SYCP3: variants seen among roughly 807,000 people sequenced by gnomAD.
SYCP3 encodes the protein synaptonemal complex protein 3.
A neutral mutation model predicts 38.5 loss-of-function variants in SYCP3; 29 were observed. That is an observed-to-expected ratio of 0.75 (90% confidence interval 0.56 to 1.03). The LOEUF is 1.03. Ranked by LOEUF, SYCP3 falls within the 50% of genes least tolerant of loss-of-function variation. The pLI is 0.00. For missense variants in SYCP3, 242 were observed against 270.7 expected, an observed-to-expected ratio of 0.89 and a Z score of 0.74; for synonymous variants, 79 against 80.3, an observed-to-expected ratio of 0.98 and a Z score of 0.08.
chr12:101,738,775 C>T (rs941532106), intron 1 of SYCP3, among the ~76,000 whole-genome samples: 1 of 152,186 alleles, frequency 6.6e-6, no homozygotes, highest in Non-Finnish European at 1.5e-5. Context: ...GTGTCCACCC[C>T]GACTCCAAGC....
In SYCP3 at chr12:101,737,222, A is replaced by G. The variant is rs555022052; in HGVS notation, c.200+10T>C. 1.9e-6 allele frequency: 3 copies of G among 1,613,344 alleles called. No individual in the cohort carries two copies. The Admixed American group carries it at 5.0e-5, about 27-fold the overall frequency. On this transcript the variant is annotated intron_variant, in intron 3 of 8. Coordinates refer to ENST00000392924, the MANE Select transcript of SYCP3 (RefSeq NM_001177949.2). ...TATCTAAGAAACAAAAATTATTTTG[A>G]ACACGTTACCCCATATCTTCAACTA...
chr12:101,735,893 G>A (rs1952421829), intron 4 of SYCP3, among the ~76,000 whole-genome samples: 1 of 70,870 alleles, frequency 1.4e-5, no homozygotes, highest in African/African-American at 8.4e-5. Context: ...TTAAAGACAC[G>A]GGGGTCTCAC....
intron 5 of SYCP3, among the ~76,000 whole-genome samples, chr12:101,734,690 G>A (rs1206829606): frequency 6.6e-6 from 1 of 152,048 alleles, no homozygotes; most frequent in African/African-American, 2.4e-5. Context: ...CTGCCTCCTA[G>A]GTTCAAGCGA....
At chr12:101,729,060 C>G (rs1952063953) in intron 8 of SYCP3, 49 bp downstream of exon 8, 1 of 1,606,006 alleles carries the variant, frequency 6.2e-7, no homozygotes, top group African/African-American at 1.3e-5. Context: ...TAAAATATTT[C>G]ATTGCTTATA....
chr12:101,738,801 G>A (rs1952583118), intron 1 of SYCP3, among the ~76,000 whole-genome samples: 1 of 152,224 alleles, frequency 6.6e-6, no homozygotes, highest in South Asian at 2.1e-4. Context: ...GTGCTGGAGA[G>A]GTGGCCCCTG....
chr12:101,729,862 G>A (rs1344399029), intron 7 of SYCP3, among the ~76,000 whole-genome samples: 1 of 152,046 alleles, frequency 6.6e-6, no homozygotes, highest in Non-Finnish European at 1.5e-5. Context: ...CAATTTAGTG[G>A]GCAAAATACT....
intron 4 of SYCP3, among the ~76,000 whole-genome samples, chr12:101,736,612 T>G (rs147334100): frequency 1.2e-3 from 176 of 152,238 alleles, no homozygotes; most frequent in Non-Finnish European, 2.1e-3. Context: ...AGGCTTAATT[T>G]ACACTGTCCT....
rs1261246319 is a variant in SYCP3 at position 101,735,012 on chromosome 12, TTCTC to T, written c.264_267del (p.Lys90AspfsTer2). 6.2e-7 allele frequency: 1 copy of T among 1,613,138 alleles called. No individual in the cohort carries two copies. Among genetic ancestry groups the T allele is most frequent in the East Asian group, 2.2e-5 (1 of 44,820 alleles). ...GCCTTGGTATACATTTCTAGTCTCT[TTCTC>T]TTGGCAAGAAGAGCCTTGTTAATGT... On this transcript the variant is annotated frameshift_variant, in exon 5 of 9. Transcript: ENST00000392924. LOFTEE classifies it high-confidence loss of function.
chr12:101,728,834 A>G lies in SYCP3; in HGVS notation c.*93T>C. The stretch of plus-strand genomic sequence containing the variant: ...CAGGTTTATGATTAAAGATGTTACA[A>G]TTAAACTATTCTAAAGACTTACAAT... On this transcript the variant is annotated 3_prime_UTR_variant, in exon 9 of 9. Coordinates refer to ENST00000392924, the MANE Select transcript of SYCP3 (RefSeq NM_001177949.2). The G allele has an allele frequency of 6.4e-7, 1 of 1,570,662 alleles. No individual in the cohort carries two copies. Among genetic ancestry groups the G allele is most frequent in the South Asian group, 1.1e-5 (1 of 87,912 alleles).
At chr12:101,739,076 G>A (rs2001985181) in intron 1 of SYCP3, among the ~76,000 whole-genome samples, 1 of 152,238 alleles carries the variant, frequency 6.6e-6, no homozygotes, top group Non-Finnish European at 1.5e-5. Context: ...GGAGCGGGCA[G>A]GAGGGAGACG....
In SYCP3 at chr12:101,728,960, A is replaced by G. The variant is rs1201241685; in HGVS notation, c.678T>C (p.Ser226=). The G allele has an allele frequency of 1.9e-6, 3 of 1,613,574 alleles. No homozygotes were observed. Among genetic ancestry groups the G allele is most frequent in the Non-Finnish European group, 2.5e-6 (3 of 1,179,718 alleles). Residue 226 remains serine (S), a synonymous_variant, in exon 9 of 9, where the codon AGT becomes AGC. Coordinates refer to ENST00000392924, the MANE Select transcript of SYCP3 (RefSeq NM_001177949.2). The part of the protein sequence containing the change: ...MMETQQQEIA[S]VRKSLQSMLF ...ACATGGATTGAAGAGACTTCCGAAC[A>G]CTTGCTATCTCTTGCTGCTGCTGTT... is the stretch of plus-strand genomic sequence containing the variant.
At chr12:101,730,691 T>C in intron 7 of SYCP3, 1 of 256,872 alleles carries the variant, frequency 3.9e-6, no homozygotes, top group Non-Finnish European at 7.7e-6. Flanking sequence ...TTAATAGAGA[T>C]GGGGTTTTGT....
intron 2 of SYCP3, 50 bp from the exon 3 acceptor site, chr12:101,737,348 G>A (rs1429614580): frequency 2.7e-6 from 4 of 1,478,124 alleles, no homozygotes; most frequent in Non-Finnish European, 3.7e-6. Flanking sequence ...AACTGAATAG[G>A]TTATTTTGGT....
At chr12:101,735,819 AAAG>A (rs1219733207) in intron 4 of SYCP3, among the ~76,000 whole-genome samples, 5 of 143,758 alleles carry the variant, frequency 3.5e-5, no homozygotes, top group Non-Finnish European at 6.0e-5. Context: ...AAAAATAGTT[AAAG>A]AAGAAAACTA....
At chr12:101,738,565 C>T (rs560699651) in intron 1 of SYCP3, among the ~76,000 whole-genome samples, 1 of 151,804 alleles carries the variant, frequency 6.6e-6, no homozygotes, top group Admixed American at 6.6e-5. Flanking sequence ...GGTGAAACCC[C>T]GTCTCTACTA....
At chr12:101,739,300 C>A in intron 1 of SYCP3, 51 bp downstream of exon 1, 1 of 1,002,612 alleles carries the variant, frequency 1.0e-6, no homozygotes. Flanking sequence ...TGGTCAAGGG[C>A]AGCCTCTGGC....
intron 7 of SYCP3, chr12:101,729,758 A>G (rs981233053): frequency 6.6e-6 from 1 of 152,356 alleles, no homozygotes; most frequent in Non-Finnish European, 1.5e-5. Flanking sequence ...CCTGATGGCA[A>G]TGAGAAAAAA....
rs749225847 is a variant in SYCP3 at position 101,737,807 on chromosome 12, A to G, written c.129T>C (p.Ile43=). The part of the protein sequence containing the change: ...KDLSGSEEDV[I]EGKTAVIEKR... ...CCAACATGAGATGTACTGCACCTTC[A>G]ATAACATCTTCCTCTGATCCACTCA... is the stretch of plus-strand genomic sequence containing the variant. Residue 43 remains isoleucine (I), a synonymous_variant, in exon 2 of 9, where the codon ATT becomes ATC. Transcript: ENST00000392924. 3.7e-6 allele frequency: 6 copies of G among 1,614,088 alleles called. No homozygotes were observed. The African/African-American group carries it at 8.0e-5, about 22-fold the overall frequency.
At position 101,739,448 on chromosome 12, in the gene SYCP3, C is replaced by A; in HGVS notation, c.-115G>T. The stretch of plus-strand genomic sequence containing the variant: ...CGCGCTTCACCTGAGGTGGCCCCTT[C>A]TCCGCGACGCTTCTGAGGCAAGCTG... On this transcript the variant is annotated 5_prime_UTR_variant, in exon 1 of 9. Transcript: ENST00000392924. 1.0e-6 allele frequency: 1 copy of A among 1,002,686 alleles called. No homozygotes were observed. The highest frequency in any genetic ancestry group is 4.7e-5 in the South Asian group (1 of 21,394). The allele number at this position is 1,002,686 out of a possible 1,614,324, so 62.1% of individuals were successfully genotyped here. A position where few individuals can be genotyped will look rare whatever the true frequency, so the allele number is the denominator to read the frequency against.
Sources: allele counts gnomAD v4.1 joint callset (sites outside exome capture counted in the v4.1 genomes callset), GRCh38; gene constraint gnomAD v4.1.1; transcripts MANE v1.5; gene names NCBI Gene and HGNC (gene_info 2026-07-23, HGNC 2026-07-21).